UGT1A8: variants seen among roughly 807,000 people sequenced by gnomAD.
UGT1A8 encodes the protein UDP-glucuronosyltransferase 1A8.
In UGT1A8, 39 loss-of-function variants were observed where a neutral mutation model predicts 45.3. The observed-to-expected ratio is 0.86, with a 90% CI of 0.67 to 1.12. The LOEUF (loss-of-function observed/expected upper bound fraction) is 1.12, where lower values mean the gene tolerates loss of function less well. Among genes scored for constraint, UGT1A8 ranks in the 50% most tolerant of loss-of-function variants. The probability of loss-of-function intolerance (pLI) is 0.00; values close to 1 mark genes in which losing one functional copy is unlikely to be tolerated. For missense variants in UGT1A8, 719 were observed against 664.9 expected, an observed-to-expected ratio of 1.08 and a Z score of -0.90; for synonymous variants, 275 against 249.2, an observed-to-expected ratio of 1.10 and a Z score of -0.97.
intron 1 of UGT1A8, chr2:233,693,831 G>A (rs1277400223): frequency 1.2e-6 from 2 of 1,614,178 alleles, no homozygotes; most frequent in Middle Eastern, 1.6e-4. Flanking sequence ...TTCATTGGAG[G>A]TATCAACTGT....
At chr2:233,619,756 A>G (rs1224634357) in intron 1 of UGT1A8, among the ~76,000 whole-genome samples, 4 of 152,178 alleles carry the variant, frequency 2.6e-5, no homozygotes, top group African/African-American at 9.7e-5. Flanking sequence ...ATCCAGCCAC[A>G]TTACTAACTT....
intron 1 of UGT1A8, chr2:233,682,183 T>A: frequency 6.2e-7 from 1 of 1,614,154 alleles, no homozygotes; most frequent in Non-Finnish European, 8.5e-7. Context: ...CCTCATACAC[T>A]CTGGAGGATC....
At chr2:233,717,751 C>T (rs1175015057) in intron 1 of UGT1A8, 3 of 456,586 alleles carry the variant, frequency 6.6e-6, no homozygotes, top group East Asian at 1.4e-4. Context: ...GGGTCTCCCC[C>T]TAGAAAGGCA....
intron 1 of UGT1A8, chr2:233,690,443 C>G (rs7608175): frequency 0.4 from 516,894 of 1,281,456 alleles, 105,680 homozygotes; most frequent in South Asian, 0.45. Flanking sequence ...GGTCTCTCCT[C>G]TATTCAAAAT....
At chr2:233,737,120 A>C (rs948512181) in intron 1 of UGT1A8, among the ~76,000 whole-genome samples, 9 of 152,336 alleles carry the variant, frequency 5.9e-5, no homozygotes, top group African/African-American at 2.2e-4. Flanking sequence ...CATGTTCAGA[A>C]GTTGTCTGCT....
intron 1 of UGT1A8, chr2:233,752,621 T>G (rs1428833052): frequency 6.6e-6 from 1 of 152,162 alleles, no homozygotes; most frequent in African/African-American, 2.4e-5. Flanking sequence ...TAGCTAGGTG[T>G]GGTAGCTGTT....
At chr2:233,761,154 G>A (rs1374366123) in intron 1 of UGT1A8, 1 of 1,614,240 alleles carries the variant, frequency 6.2e-7, no homozygotes, top group East Asian at 2.2e-5. Flanking sequence ...TATCCCAGGT[G>A]TGTATTGGAG....
intron 1 of UGT1A8, chr2:233,671,759 G>A (rs762141495): frequency 1.2e-5 from 16 of 1,331,294 alleles, no homozygotes; most frequent in Non-Finnish European, 1.5e-5. Context: ...CTCAGCAAAA[G>A]CTACTCATAT....
chr2:233,747,353 C>G, intron 1 of UGT1A8: 1 of 1,602,858 alleles, frequency 6.2e-7, no homozygotes, highest in Non-Finnish European at 8.5e-7. Flanking sequence ...TGCGGGAGGC[C>G]GTGCGGGAGC....
At chr2:233,693,950 C>T (rs2075190769) in intron 1 of UGT1A8, 2 of 1,589,758 alleles carry the variant, frequency 1.3e-6, no homozygotes, top group Non-Finnish European at 1.7e-6. Context: ...AGCCGACTGT[C>T]CCTTGGAGGA....
intron 1 of UGT1A8, among the ~76,000 whole-genome samples, chr2:233,680,445 G>A (rs1422552682): frequency 6.6e-6 from 1 of 152,188 alleles, no homozygotes; most frequent in Admixed American, 6.5e-5. Context: ...AGAGGAAAGT[G>A]ACTAAGCAAA....
At chr2:233,708,525 G>A (rs2076022371) in intron 1 of UGT1A8, 1 of 152,220 alleles carries the variant, frequency 6.6e-6, no homozygotes, top group African/African-American at 2.4e-5. Context: ...GCCGAAGCAG[G>A]AGGATAGCTT....
intron 1 of UGT1A8, among the ~76,000 whole-genome samples, chr2:233,746,350 C>T (rs1287151444): frequency 6.6e-6 from 1 of 151,744 alleles, no homozygotes; most frequent in Non-Finnish European, 1.5e-5. Flanking sequence ...GTTTATGTTG[C>T]TCCTTTAGTA....
chr2:233,711,430 T>A (rs2076180899), intron 1 of UGT1A8, among the ~76,000 whole-genome samples: 1 of 152,218 alleles, frequency 6.6e-6, no homozygotes, highest in African/African-American at 2.4e-5. Context: ...GTGCTTAGGA[T>A]GCATACAGTT....
intron 1 of UGT1A8, chr2:233,743,329 A>G: frequency 4.0e-6 from 3 of 753,958 alleles, no homozygotes; most frequent in East Asian, 1.3e-4. Context: ...ACCATCAACT[A>G]TTTCAGTGGA....
At chr2:233,636,888 G>C (rs767585841) in intron 1 of UGT1A8, 2 of 1,613,714 alleles carry the variant, frequency 1.2e-6, no homozygotes, top group South Asian at 1.1e-5. Context: ...TATTTTTTTC[G>C]CATTGCAGGA....
rs12989151 is a variant in UGT1A8 at position 233,620,847 on chromosome 2, A to G, written c.855+2285A>G. Among the ~76,000 whole-genome samples the G allele has an allele frequency of 7.2e-5, 11 of 152,280 alleles. No homozygotes were observed. The South Asian group carries it at 1.0e-3, about 14-fold the overall frequency. On this transcript the variant is annotated intron_variant, in intron 1 of 4. Coordinates refer to ENST00000373450, the MANE Select transcript of UGT1A8 (RefSeq NM_019076.5). Reference sequence around the variant, plus strand: ...CCTTCCTTGTTTCAGATGCCAGGATATGTCTGGGAAAAGCATGCAGTTGGT... The same window carrying G: ...CCTTCCTTGTTTCAGATGCCAGGATGTGTCTGGGAAAAGCATGCAGTTGGT...
chr2:233,771,063 C>G (rs913473960), intron 4 of UGT1A8: 3 of 152,106 alleles, frequency 2.0e-5, no homozygotes, highest in Admixed American at 1.3e-4. Flanking sequence ...ATGACCGGCT[C>G]TCACAATAAC....
At position 233,769,709 on chromosome 2, in the gene UGT1A8, G is replaced by T. The variant is rs1309329692; in HGVS notation, c.1295+1270G>T. The T allele has an allele frequency of 6.6e-7, 1 of 1,509,378 alleles. No individual in the cohort carries two copies. Among genetic ancestry groups the T allele is most frequent in the South Asian group, 1.3e-5 (1 of 76,432 alleles). The allele number at this position is 1,509,378 out of a possible 1,614,324, so 93.5% of individuals were successfully genotyped here. On this transcript the variant is annotated intron_variant, in intron 4 of 4. Coordinates refer to ENST00000373450, the MANE Select transcript of UGT1A8 (RefSeq NM_019076.5). The surrounding 1 kb of genome is among the most constrained non-coding windows in gnomAD (Gnocchi z 4.4). Reference sequence around the variant, plus strand: ...GGCACTGGATAAAAGATCAATGTTGGCTAGGCACCATGGCACACGCCTGTA... The same window carrying T: ...GGCACTGGATAAAAGATCAATGTTGTCTAGGCACCATGGCACACGCCTGTA...
Sources: gnomAD v4.1 joint callset for allele counts (sites outside exome capture counted in the v4.1 genomes callset) on GRCh38, gnomAD v4.1.1 for gene constraint, Gnocchi (gnomAD v3.1) non-coding constraint, MANE v1.5 for transcripts, NCBI Gene and HGNC (gene_info 2026-07-23, HGNC 2026-07-21) for gene names.